The following SLC12A2 variants were observed in gnomAD, a reference collection of about 807,000 sequenced individuals.
SLC12A2 encodes the protein Na-K-2Cl cotransporter 1.
In SLC12A2, 67 loss-of-function variants were observed where a neutral mutation model predicts 136.3. That is an observed-to-expected ratio of 0.49 (90% CI 0.40 to 0.60). The LOEUF (loss-of-function observed/expected upper bound fraction) is 0.60. Among genes scored for constraint, SLC12A2 ranks in the 20% least tolerant of loss-of-function variants. SLC12A2 has a pLI of 0.00. For synonymous variants in SLC12A2, 619 were observed against 562.9 expected, an observed-to-expected ratio of 1.10 and a Z score of -1.41; for missense variants, 1,322 against 1,534.7, an observed-to-expected ratio of 0.86 and a Z score of 2.32.
At chr5:128,110,570 A>C (rs778646959) in intron 1 of SLC12A2, 11 of 1,179,934 alleles carry the variant, frequency 9.3e-6, no homozygotes, top group Non-Finnish European at 1.4e-5. Context: ...TTCTTCAAGC[A>C]TAAGTATCAA....
In SLC12A2 at chr5:128,150,159, C is replaced by T. The variant is rs1233234143; in HGVS notation, c.2107+61C>T. 5 of 1,084,298 alleles carry T rather than the reference C, an allele frequency of 4.6e-6. No homozygotes were observed. In the African/African-American group the frequency reaches 6.2e-5, roughly 14 times the overall value. The allele number at this position is 1,084,298 out of a possible 1,614,324, so 67.2% of individuals were successfully genotyped here. ...ATTTTTGATTGCAAAGAAAATAAAACTTTTGCCACATTTTCAAAGATGTTA... is the reference window on the plus strand; with the variant it reads ...ATTTTTGATTGCAAAGAAAATAAAATTTTTGCCACATTTTCAAAGATGTTA... On this transcript the variant is annotated intron_variant, in intron 13 of 26. Coordinates refer to ENST00000262461, the MANE Select transcript of SLC12A2 (RefSeq NM_001046.3).
intron 1 of SLC12A2, among the ~76,000 whole-genome samples, chr5:128,108,362 A>G (rs1228894774): frequency 3.3e-5 from 5 of 152,224 alleles, no homozygotes; most frequent in Admixed American, 3.3e-4. Flanking sequence ...ACAGCTGTTC[A>G]TGGCAGCATT....
intron 1 of SLC12A2, chr5:128,110,359 A>C: frequency 2.1e-6 from 2 of 965,400 alleles, no homozygotes; most frequent in East Asian, 2.4e-5. Context: ...ATGTCTGTGC[A>C]AGCTAACACG....
At position 128,138,652 on chromosome 5, in the gene SLC12A2, T is replaced by C. The variant is rs775431428; in HGVS notation, c.1464T>C (p.Phe488=). The stretch of plus-strand genomic sequence containing the variant: ...ATTTTCGAGAGGAAGAGACTTTCTT[T>C]TCTGTATTTGCCATCTTTTTTCCTG... The part of the protein sequence containing the change: ...GPDFREEETF[F]SVFAIFFPAA... Residue 488 remains phenylalanine (F), a synonymous_variant, in exon 8 of 27, where the codon TTT becomes TTC. Coordinates refer to ENST00000262461, the MANE Select transcript of SLC12A2 (RefSeq NM_001046.3). 6.2e-7 allele frequency: 1 copy of C among 1,613,744 alleles called. No individual in the cohort carries two copies. The highest frequency in any genetic ancestry group is 8.5e-7 in the Non-Finnish European group (1 of 1,179,864).
In SLC12A2 at chr5:128,187,351, T is replaced by G. The variant is rs1763901991; in HGVS notation, c.*720T>G. On this transcript the variant is annotated 3_prime_UTR_variant, in exon 27 of 27. Transcript: ENST00000262461. ...TATTTATTATTATTTATTGAAACCT[T>G]AGGGAAGATTGAAGATTCATCCCAT... 1 of 152,104 alleles carries G rather than the reference T, an allele frequency of 6.6e-6. No individual in the cohort carries two copies. The highest frequency in any genetic ancestry group is 1.5e-5 in the Non-Finnish European group (1 of 67,992). 9.4% of individuals were successfully genotyped at this position (152,104 alleles called of 1,614,324 possible).
chr5:128,117,248 A>T (rs1761383463), intron 4 of SLC12A2, among the ~76,000 whole-genome samples: 1 of 152,200 alleles, frequency 6.6e-6, no homozygotes, highest in South Asian at 2.1e-4. Flanking sequence ...AGGACCTAAG[A>T]GTCAACCTAA....
chr5:128,110,821 A>G, intron 1 of SLC12A2: 1 of 1,476,626 alleles, frequency 6.8e-7, no homozygotes, highest in Middle Eastern at 2.2e-4. Context: ...ATTTGCAAGA[A>G]ATAATCTCAT....
chr5:128,167,154 G>A (rs1561699396), intron 17 of SLC12A2, among the ~76,000 whole-genome samples: 1 of 152,070 alleles, frequency 6.6e-6, no homozygotes, highest in Non-Finnish European at 1.5e-5. Context: ...AGGGACTTGA[G>A]CATTTGCAGA....
intron 15 of SLC12A2, among the ~76,000 whole-genome samples, chr5:128,153,655 G>T (rs950883050): frequency 6.6e-6 from 1 of 152,178 alleles, no homozygotes; most frequent in Non-Finnish European, 1.5e-5. Context: ...GCTTCTGCAT[G>T]ATAAACACAA....
Position 128,104,389 on chromosome 5 carries a change from T to C in SLC12A2, c.757-8425T>C, listed in dbSNP as rs572150987. ...GCTTGTACCTGTAATCCCAGCACTT[T>C]GGGAGGCCCAGGCGGGCAGATCACT... On this transcript the variant is annotated intron_variant, in intron 1 of 26. Transcript: ENST00000262461. Among the ~76,000 whole-genome samples the C allele has an allele frequency of 4.6e-5, 7 of 152,274 alleles. No homozygotes were observed. The South Asian group carries it at 8.3e-4, about 18-fold the overall frequency.
chr5:128,125,550 T>C (rs974446865), intron 4 of SLC12A2, among the ~76,000 whole-genome samples: 1 of 152,240 alleles, frequency 6.6e-6, no homozygotes, highest in African/African-American at 2.4e-5. Flanking sequence ...CTAGTTATGT[T>C]ATTCGGTTTG....
intron 10 of SLC12A2, among the ~76,000 whole-genome samples, chr5:128,147,082 C>T (rs1461497933): frequency 8.3e-5 from 11 of 132,062 alleles, no homozygotes; most frequent in African/African-American, 2.7e-4. Flanking sequence ...AATGTGTAAC[C>T]TTTTTTTTTT....
rs1459997639 is a variant in SLC12A2 at position 128,189,083 on chromosome 5, TAAG to T, written c.*2456_*2458del. ...GGGTAATACTGTCTGTGAAATAATG[TAAG>T]AAGCTTTTCACTTAAAAAAAATGCA... On this transcript the variant is annotated 3_prime_UTR_variant, in exon 27 of 27. Coordinates refer to ENST00000262461, the MANE Select transcript of SLC12A2 (RefSeq NM_001046.3). 6.6e-6 allele frequency: 1 copy of T among 152,420 alleles called. No individual in the cohort carries two copies. The highest frequency in any genetic ancestry group is 1.5e-5 in the Non-Finnish European group (1 of 68,024). 9.4% of individuals were successfully genotyped at this position (152,420 alleles called of 1,614,324 possible).
At chr5:128,166,407 A>G (rs1298311958) in intron 17 of SLC12A2, among the ~76,000 whole-genome samples, 2 of 151,990 alleles carry the variant, frequency 1.3e-5, no homozygotes, top group Non-Finnish European at 2.9e-5. Context: ...TTTATTCACA[A>G]TAGCCAAAAG....
intron 18 of SLC12A2, chr5:128,168,249 G>A (rs925811778): frequency 4.5e-5 from 7 of 155,102 alleles, no homozygotes; most frequent in African/African-American, 1.7e-4. Flanking sequence ...ATGTGCTGAG[G>A]AAGAGTGTTT....
intron 4 of SLC12A2, among the ~76,000 whole-genome samples, chr5:128,130,292 G>A (rs904862662): frequency 6.6e-6 from 1 of 151,726 alleles, no homozygotes. Flanking sequence ...TAGCGCTTTG[G>A]GAAGCTGAGG....
chr5:128,098,396 A>G (rs2126649056), intron 1 of SLC12A2, among the ~76,000 whole-genome samples: 1 of 151,586 alleles, frequency 6.6e-6, no homozygotes, highest in Non-Finnish European at 1.5e-5. Flanking sequence ...TGTTTAACAT[A>G]TTTATTGCAG....
chr5:128,175,044 G>A (rs1763496771), intron 20 of SLC12A2, among the ~76,000 whole-genome samples: 1 of 152,036 alleles, frequency 6.6e-6, no homozygotes, highest in Non-Finnish European at 1.5e-5. Context: ...TCTGTGTCAT[G>A]TTTGAGAAGA....
chr5:128,168,525 C>T (rs1374153841), intron 18 of SLC12A2: 3 of 152,106 alleles, frequency 2.0e-5, no homozygotes, highest in Non-Finnish European at 4.4e-5. Flanking sequence ...TCTGTGGTTT[C>T]AGGATGATTC....
Sources: allele counts gnomAD v4.1 joint callset (sites outside exome capture counted in the v4.1 genomes callset), GRCh38; gene constraint gnomAD v4.1.1; transcripts MANE v1.5; gene names NCBI Gene and HGNC (gene_info 2026-07-23, HGNC 2026-07-21).